TM9SF2: variants seen among roughly 807,000 people sequenced by gnomAD.
TM9SF2 encodes the protein transmembrane 9 superfamily member 2.
TM9SF2 carries 13 observed loss-of-function variants against 84.9 expected under a neutral mutation model. The ratio of observed to expected loss-of-function variants is 0.15; its 90% CI spans 0.10 to 0.24. TM9SF2 has a LOEUF of 0.24. TM9SF2 is among the 10% of genes least tolerant of loss of function. The probability of loss-of-function intolerance (pLI) is 1.00; values close to 1 mark genes in which losing one functional copy is unlikely to be tolerated. For missense variants in TM9SF2, 562 were observed against 818.5 expected, an observed-to-expected ratio of 0.69 and a Z score of 3.82; for synonymous variants, 273 against 285.8, an observed-to-expected ratio of 0.96 and a Z score of 0.45.
At chr13:99,503,416 A>G (rs1449441327) in intron 1 of TM9SF2, among the ~76,000 whole-genome samples, 1 of 152,250 alleles carries the variant, frequency 6.6e-6, no homozygotes, top group Non-Finnish European at 1.5e-5. Context: ...GCTCTATAGA[A>G]GAAGTGACAG....
intron 1 of TM9SF2, among the ~76,000 whole-genome samples, chr13:99,513,864 C>T (rs1380910005): frequency 6.6e-6 from 1 of 152,186 alleles, no homozygotes; most frequent in Non-Finnish European, 1.5e-5. Flanking sequence ...GTGTCTACGG[C>T]TGCTTTTGCA....
At chr13:99,549,334 G>C in intron 12 of TM9SF2, 112 bp downstream of exon 12, 5 of 775,086 alleles carry the variant, frequency 6.5e-6, no homozygotes, top group Non-Finnish European at 1.0e-5. Context: ...ACCTAAGAAA[G>C]TAAATTTAAT....
intron 11 of TM9SF2, among the ~76,000 whole-genome samples, chr13:99,547,994 T>A (rs1397193648): frequency 6.6e-6 from 1 of 152,190 alleles, no homozygotes; most frequent in African/African-American, 2.4e-5. Flanking sequence ...GTGTTTTAAT[T>A]TCTGTGAATT....
chr13:99,543,956 T>G lies in TM9SF2; in HGVS notation c.1111T>G (p.Ser371Ala). The G allele has an allele frequency of 6.2e-7, 1 of 1,614,160 alleles. No individual in the cohort carries two copies. The highest frequency in any genetic ancestry group is 8.5e-7 in the Non-Finnish European group (1 of 1,180,020). ...GATGCTGCTATCAGTCTTTCTAGGA[T>G]CCGGGACACAGATTTTAATTATGAC... Reference protein sequence around the residue: ...KGMLLSVFLGSGTQILIMTFV... With the variant: ...KGMLLSVFLGAGTQILIMTFV... The change falls in exon 10 of 17, where the codon TCC becomes GCC. Residue 371 changes from serine to alanine, a missense_variant. This residue lies in a region of TM9SF2 where 219 missense variants were observed against 338.1 expected (regional missense o/e 0.65). Transcript: ENST00000376387.
In TM9SF2 at chr13:99,533,423, C is replaced by T. The variant is rs118074998; in HGVS notation, c.462-3185C>T. ...AATAATGCAACTAAAATATTGTACA[C>T]GTTATTCTGCAACTTGCTCATTTTA... On this transcript the variant is annotated intron_variant, in intron 4 of 16. Transcript: ENST00000376387. Among the ~76,000 whole-genome samples, 1,234 of 152,240 alleles carry T rather than the reference C, an allele frequency of 8.1e-3. 9 individuals are homozygous for T. Among genetic ancestry groups the T allele is most frequent in the South Asian group, 0.017 (83 of 4,822 alleles).
At chr13:99,535,088 G>A (rs1396474465) in intron 4 of TM9SF2, among the ~76,000 whole-genome samples, 2 of 152,162 alleles carry the variant, frequency 1.3e-5, no homozygotes, top group African/African-American at 2.4e-5. Context: ...GGAGGTTGAG[G>A]CTGCAGAAAG....
At chr13:99,502,212 G>A (rs1319041777) in intron 1 of TM9SF2, among the ~76,000 whole-genome samples, 3 of 152,238 alleles carry the variant, frequency 2.0e-5, no homozygotes, top group African/African-American at 7.2e-5. Context: ...ACTCAGCCTA[G>A]TTAACAGTTT....
chr13:99,532,342 G>A (rs1307024948), intron 4 of TM9SF2, among the ~76,000 whole-genome samples: 2 of 152,028 alleles, frequency 1.3e-5, no homozygotes, highest in African/African-American at 4.8e-5. Context: ...GAGCCACCGC[G>A]CCCGGCCTTG....
chr13:99,560,663 T>C (rs1175813524), intron 16 of TM9SF2, among the ~76,000 whole-genome samples: 1 of 152,078 alleles, frequency 6.6e-6, no homozygotes, highest in East Asian at 1.9e-4. Context: ...ATCACCTAAA[T>C]TTTATTTATT....
Position 99,501,540 on chromosome 13 carries a change from A to G in TM9SF2, c.-67A>G. 1 of 1,553,504 alleles carries G rather than the reference A, an allele frequency of 6.4e-7. No homozygotes were observed. Among genetic ancestry groups the G allele is most frequent in the East Asian group, 2.3e-5 (1 of 42,860 alleles). On this transcript the variant is annotated 5_prime_UTR_variant, in exon 1 of 17. Coordinates refer to ENST00000376387, the MANE Select transcript of TM9SF2 (RefSeq NM_004800.3). ...TCTGGCGGCCTTGTAGTCGTCTCCG[A>G]GACTCCCCACCCCTCCTTCCCTCTT...
intron 3 of TM9SF2, among the ~76,000 whole-genome samples, chr13:99,527,921 C>T (rs537260177): frequency 6.6e-6 from 1 of 152,112 alleles, no homozygotes; most frequent in African/African-American, 2.4e-5. Context: ...TCCCTGGTCT[C>T]CTAACAAGAT....
chr13:99,549,505 C>G (rs546282814), intron 12 of TM9SF2, among the ~76,000 whole-genome samples: 55 of 152,232 alleles, frequency 3.6e-4, no homozygotes, highest in African/African-American at 1.2e-3. Context: ...ACATGTTGTT[C>G]TGTAGGCTGC....
At chr13:99,537,632 C>T in intron 5 of TM9SF2, 107 bp from the exon 6 acceptor site, 1 of 900,504 alleles carries the variant, frequency 1.1e-6, no homozygotes, top group Non-Finnish European at 1.6e-6. Context: ...CTTAAAATTC[C>T]ATTCAAACTT....
At chr13:99,545,134 T>C (rs898885050) in intron 10 of TM9SF2, among the ~76,000 whole-genome samples, 2 of 152,344 alleles carry the variant, frequency 1.3e-5, no homozygotes, top group African/African-American at 2.4e-5. Context: ...TTAGTAAACA[T>C]TTATTTTTTA....
intron 13 of TM9SF2, among the ~76,000 whole-genome samples, chr13:99,553,254 T>C (rs1202954120): frequency 2.6e-5 from 4 of 152,202 alleles, no homozygotes; most frequent in Non-Finnish European, 5.9e-5. Context: ...TTAGTACACT[T>C]TGTGAGCAGG....
intron 16 of TM9SF2, among the ~76,000 whole-genome samples, chr13:99,561,092 GT>G (rs1328162481): frequency 2.0e-5 from 3 of 152,220 alleles, no homozygotes; most frequent in Admixed American, 2.0e-4. Flanking sequence ...AACTTATAGT[GT>G]ATTTCACTTT....
intron 3 of TM9SF2, among the ~76,000 whole-genome samples, chr13:99,527,182 C>T (rs939934770): frequency 2.0e-5 from 3 of 152,118 alleles, no homozygotes; most frequent in Non-Finnish European, 2.9e-5. Context: ...TCCTGGACTT[C>T]TGGTGGTGAC....
Position 99,559,770 on chromosome 13 carries a change from C to T in TM9SF2, c.1924+236C>T, listed in dbSNP as rs764863791. 2.3e-4 allele frequency among the ~76,000 whole-genome samples: 35 copies of T among 150,824 alleles called. 2 individuals are homozygous for T. The Middle Eastern group carries it at 0.021, about 90-fold the overall frequency. ...CATAATTGTGGTAAAGGTTCAGGGA[C>T]GCATGGGCCAGTACAGCTCATGGTT... On this transcript the variant is annotated intron_variant, in intron 16 of 16. Coordinates refer to ENST00000376387, the MANE Select transcript of TM9SF2 (RefSeq NM_004800.3).
chr13:99,509,617 A>G (rs2046104692), intron 1 of TM9SF2, among the ~76,000 whole-genome samples: 1 of 152,154 alleles, frequency 6.6e-6, no homozygotes, highest in Non-Finnish European at 1.5e-5. Context: ...AGTGGCCTGA[A>G]TGCTGGGATC....
Sources: gnomAD v4.1 joint callset for allele counts (sites outside exome capture counted in the v4.1 genomes callset) on GRCh38, gnomAD v4.1.1 for gene constraint, gnomAD v4.1.1 regional missense constraint, MANE v1.5 for transcripts, NCBI Gene and HGNC (gene_info 2026-07-23, HGNC 2026-07-21) for gene names.